Variants in CISD2 observed in about 807,000 individuals in gnomAD.
The protein encoded by CISD2 is CDGSH iron-sulfur domain-containing protein 2.
In CISD2, 1 loss-of-function variant was observed where a neutral mutation model predicts 12.9. That is an observed-to-expected ratio of 0.08 (90% CI 0.03 to 0.37). The LOEUF (loss-of-function observed/expected upper bound fraction) is 0.37. CISD2 is among the 10% of genes least tolerant of loss of function. The probability of loss-of-function intolerance (pLI) is 0.99; values close to 1 mark genes in which losing one functional copy is unlikely to be tolerated. For synonymous variants in CISD2, 50 were observed against 60.6 expected (o/e 0.83, Z 0.81); for missense variants, 97 against 163.1 (o/e 0.59, Z 2.21).
At position 102,887,277 on chromosome 4, in the gene CISD2, C is replaced by A; in HGVS notation, c.319-64C>A. 6.1e-6 allele frequency: 6 copies of A among 987,160 alleles called. No homozygotes were observed. In the South Asian group the frequency reaches 8.1e-5, roughly 13 times the overall value. 61.2% of individuals were successfully genotyped at this position (987,160 alleles called of 1,614,324 possible). ...ATGCTTTCTTTCTGAGAGCATTTCA[C>A]AAATGTTTCTACCTAATGAATCATA... On this transcript the variant is annotated intron_variant, in intron 2 of 2. Transcript: ENST00000273986.
chr4:102,885,062 G>C (rs1223619247), intron 1 of CISD2, 154 bp from the exon 2 acceptor site: 2 of 670,124 alleles, frequency 3.0e-6, no homozygotes, highest in Admixed American at 4.4e-5. Context: ...GGTAGAGCTG[G>C]CTTTATTGTG....
At chr4:102,881,361 A>G (rs765802394) in intron 1 of CISD2, among the ~76,000 whole-genome samples, 2 of 152,230 alleles carry the variant, frequency 1.3e-5, no homozygotes, top group African/African-American at 2.4e-5. Context: ...CTAGTATTCA[A>G]TAGCATAATA....
At chr4:102,885,595 AC>A (rs1307904277) in intron 2 of CISD2, among the ~76,000 whole-genome samples, 165 bp downstream of exon 2, 1 of 152,234 alleles carries the variant, frequency 6.6e-6, no homozygotes, top group African/African-American at 2.4e-5. Context: ...GATAGATACT[AC>A]CTACATTAGA....
intron 1 of CISD2, among the ~76,000 whole-genome samples, chr4:102,871,189 A>G (rs1199383586): frequency 6.6e-6 from 1 of 152,200 alleles, no homozygotes; most frequent in Non-Finnish European, 1.5e-5. Flanking sequence ...GTATAATTGA[A>G]GAAAATTAGA....
intron 1 of CISD2, among the ~76,000 whole-genome samples, chr4:102,876,593 C>A (rs1733598480): frequency 6.6e-6 from 1 of 151,790 alleles, no homozygotes; most frequent in Admixed American, 6.6e-5. Flanking sequence ...ACTAAAAATA[C>A]AAAAAAATTA....
At chr4:102,885,494 T>C (rs1389020396) in intron 2 of CISD2, 64 bp downstream of exon 2, 1 of 1,256,700 alleles carries the variant, frequency 8.0e-7, no homozygotes, top group Admixed American at 1.7e-5. Flanking sequence ...GCCTCTTAAA[T>C]CCCCAGTTTT....
At chr4:102,877,693 C>T (rs1733622042) in intron 1 of CISD2, among the ~76,000 whole-genome samples, 1 of 152,242 alleles carries the variant, frequency 6.6e-6, no homozygotes, top group Non-Finnish European at 1.5e-5. Context: ...AGGCTCCACC[C>T]CTGCAGTAGA....
Position 102,873,728 on chromosome 4 carries a change from CAAAA to C in CISD2, c.103+4559_103+4562del, listed in dbSNP as rs35907341. Among the ~76,000 whole-genome samples the C allele has an allele frequency of 1.0e-4, 8 of 78,410 alleles. No homozygotes were observed. In the South Asian group the frequency reaches 2.3e-3, roughly 22 times the overall value. 51.4% of individuals were successfully genotyped at this position (78,410 alleles called of 152,430 possible). A position where few individuals can be genotyped will look rare whatever the true frequency, so the allele number is the denominator to read the frequency against. ...CCTAGGCAGCAGAGCGAAACCGTCT[CAAAA>C]AAAAAAAAAAAAAAAAAGGGATGTA... On this transcript the variant is annotated intron_variant, in intron 1 of 2. Coordinates refer to ENST00000273986, the MANE Select transcript of CISD2 (RefSeq NM_001008388.5).
chr4:102,891,073 G>A lies in CISD2; in HGVS notation c.*3643G>A, dbSNP rs1268393898. 6.6e-6 allele frequency: 1 copy of A among 151,138 alleles called. No individual in the cohort carries two copies. The highest frequency in any genetic ancestry group is 1.5e-5 in the Non-Finnish European group (1 of 67,996). The allele number at this position is 151,138 out of a possible 1,614,324, so 9.4% of individuals were successfully genotyped here. The stretch of plus-strand genomic sequence containing the variant: ...GATAGATCCAGAACAAGGAAATGAT[G>A]TATGTGTTTACATATTACATCTACT... On this transcript the variant is annotated 3_prime_UTR_variant, in exon 3 of 3. Transcript: ENST00000273986.
At chr4:102,879,715 T>C (rs913246380) in intron 1 of CISD2, among the ~76,000 whole-genome samples, 1 of 152,034 alleles carries the variant, frequency 6.6e-6, no homozygotes, top group South Asian at 2.1e-4. Flanking sequence ...GAGGTTGCAG[T>C]GAGCCAAGAT....
intron 1 of CISD2, among the ~76,000 whole-genome samples, chr4:102,884,853 A>G (rs1437093489): frequency 6.6e-6 from 1 of 151,924 alleles, no homozygotes; most frequent in Non-Finnish European, 1.5e-5. Flanking sequence ...AAGGAGATAA[A>G]ATGTTTTCTT....
chr4:102,880,546 C>T (rs139394555), intron 1 of CISD2, among the ~76,000 whole-genome samples: 16 of 151,924 alleles, frequency 1.1e-4, no homozygotes, highest in Admixed American at 2.6e-4. Context: ...GGTGTGGTGG[C>T]GCACGTCCAT....
At chr4:102,879,657 A>G (rs1733670069) in intron 1 of CISD2, among the ~76,000 whole-genome samples, 1 of 152,092 alleles carries the variant, frequency 6.6e-6, no homozygotes, top group Non-Finnish European at 1.5e-5. Flanking sequence ...CTGTAATCCT[A>G]GTGACTCAGA....
intron 1 of CISD2, among the ~76,000 whole-genome samples, chr4:102,880,480 G>C (rs749940764): frequency 3.3e-5 from 5 of 151,798 alleles, no homozygotes; most frequent in Non-Finnish European, 7.4e-5. Context: ...ATAATCCTAA[G>C]ACAAAAATAA....
chr4:102,874,453 C>G (rs139621878), intron 1 of CISD2: 5 of 152,286 alleles, frequency 3.3e-5, no homozygotes, highest in African/African-American at 1.2e-4. Context: ...CAAACCTGCA[C>G]ATTTACCTCC....
In CISD2 at chr4:102,888,156, A is replaced by C. The variant is rs1056184206; in HGVS notation, c.*726A>C. ...TACAACCAAACTCATGGGCTGCTGC[A>C]ATTTGAAGATAATTGGTAATAAACA... is the stretch of plus-strand genomic sequence containing the variant. On this transcript the variant is annotated 3_prime_UTR_variant, in exon 3 of 3. Coordinates refer to ENST00000273986, the MANE Select transcript of CISD2 (RefSeq NM_001008388.5). 1 of 99,156 alleles carries C rather than the reference A, an allele frequency of 1.0e-5. No homozygotes were observed. The highest frequency in any genetic ancestry group is 6.3e-5 in the African/African-American group (1 of 15,968). 6.1% of individuals were successfully genotyped at this position (99,156 alleles called of 1,614,324 possible).
At chr4:102,882,001 G>A (rs1334606694) in intron 1 of CISD2, among the ~76,000 whole-genome samples, 2 of 152,118 alleles carry the variant, frequency 1.3e-5, no homozygotes, top group Non-Finnish European at 2.9e-5. Flanking sequence ...AGACCAGCCT[G>A]GCCAACATGG....
At chr4:102,884,364 C>T (rs536657319) in intron 1 of CISD2, among the ~76,000 whole-genome samples, 1 of 152,300 alleles carries the variant, frequency 6.6e-6, no homozygotes, top group South Asian at 2.1e-4. Context: ...TCTCTTTTCT[C>T]AACTAAGCTA....
chr4:102,883,058 C>T (rs769966849), intron 1 of CISD2, among the ~76,000 whole-genome samples: 11 of 152,016 alleles, frequency 7.2e-5, no homozygotes, highest in Non-Finnish European at 1.2e-4. Context: ...GTATATTAAC[C>T]GTGTTTTCAA....
Sources: gnomAD v4.1 joint callset for allele counts (sites outside exome capture counted in the v4.1 genomes callset) on GRCh38, gnomAD v4.1.1 for gene constraint, MANE v1.5 for transcripts, NCBI Gene and HGNC (gene_info 2026-07-23, HGNC 2026-07-21) for gene names.